Variants in NEMP2 observed in about 807,000 individuals in gnomAD.
NEMP2 encodes nuclear envelope integral membrane protein 2.
NEMP2 carries 53 observed loss-of-function variants against 54.2 expected under a neutral mutation model. The observed-to-expected ratio is 0.98, with a 90% CI of 0.78 to 1.23. The LOEUF is 1.23. Ranked by LOEUF, NEMP2 falls within the 50% of genes most tolerant of loss-of-function variation. NEMP2 has a pLI of 0.00. For synonymous variants in NEMP2, 197 were observed against 190.3 expected, an observed-to-expected ratio of 1.04 and a Z score of -0.29; for missense variants, 455 against 511.3, an observed-to-expected ratio of 0.89 and a Z score of 1.06.
At position 190,510,358 on chromosome 2, in the gene NEMP2, T is replaced by TA; in HGVS notation, c.1130+2dup. Reference sequence around the variant, plus strand: ...ATGGTCCGAGCAGCAGAGCGGGACTTACTTGCTAGGAGTGTGGAGTCTGGA... The same window carrying TA: ...ATGGTCCGAGCAGCAGAGCGGGACTTAACTTGCTAGGAGTGTGGAGTCTGGA... On this transcript the variant is annotated splice_region_variant and intron_variant, in intron 8 of 8. Coordinates refer to ENST00000409150, the MANE Select transcript of NEMP2 (RefSeq NM_001142645.2). This position sits in a 1 kb window ranked among gnomAD's most constrained non-coding sequence, Gnocchi z 5.7. 1 of 1,551,656 alleles carries TA rather than the reference T, an allele frequency of 6.4e-7. No homozygotes were observed. Among genetic ancestry groups the TA allele is most frequent in the Admixed American group, 2.0e-5 (1 of 50,998 alleles).
the NEMP2 span, among the ~76,000 whole-genome samples, chr2:190,632,120 G>A: frequency 6.6e-6 from 1 of 152,202 alleles, no homozygotes; most frequent in African/African-American, 2.4e-5. The surrounding 1 kb of genome is among the most constrained non-coding windows in gnomAD (Gnocchi z 4.8). Context: ...GATCCAAAGA[G>A]TGACAAGGGT....
At chr2:190,628,559 C>T in the NEMP2 span, 1 of 152,196 alleles carries the variant, frequency 6.6e-6, no homozygotes, top group Non-Finnish European at 1.5e-5. The surrounding 1 kb of genome is among the most constrained non-coding windows in gnomAD (Gnocchi z 4.1). Context: ...CTGACCTAAG[C>T]TGGGCCCATC....
chr2:190,628,981 C>A, the NEMP2 span, among the ~76,000 whole-genome samples: 1 of 152,182 alleles, frequency 6.6e-6, no homozygotes, highest in African/African-American at 2.4e-5. The surrounding 1 kb of genome is among the most constrained non-coding windows in gnomAD (Gnocchi z 4.1). Flanking sequence ...TCCAAAATCT[C>A]AAGAATCTCA....
the NEMP2 span, among the ~76,000 whole-genome samples, chr2:190,487,093 A>G: frequency 1.3e-5 from 2 of 152,200 alleles, no homozygotes; most frequent in African/African-American, 4.8e-5. The surrounding 1 kb of genome is among the most constrained non-coding windows in gnomAD (Gnocchi z 5.5). Flanking sequence ...CACTAATCCC[A>G]GCACTTTGAG....
the NEMP2 span, among the ~76,000 whole-genome samples, chr2:190,574,188 T>A: frequency 1.6e-4 from 24 of 152,350 alleles, no homozygotes; most frequent in Admixed American, 5.2e-4. Flanking sequence ...ACAAAACCTC[T>A]ATTTTCTTAA....
chr2:190,635,268 G>A, the NEMP2 span, among the ~76,000 whole-genome samples: 1 of 152,198 alleles, frequency 6.6e-6, no homozygotes, highest in Non-Finnish European at 1.5e-5. This position sits in a 1 kb window ranked among gnomAD's most constrained non-coding sequence, Gnocchi z 4.1. Flanking sequence ...CCAGAATGGA[G>A]TGCATTGGTG....
At chr2:190,538,802 G>T (rs1028200126), upstream of NEMP2, among the ~76,000 whole-genome samples, 2 of 151,986 alleles carry the variant, frequency 1.3e-5, no homozygotes, top group African/African-American at 2.4e-5. This position sits in a 1 kb window ranked among gnomAD's most constrained non-coding sequence, Gnocchi z 4.1. Context: ...TTTTAAAATT[G>T]GATTATTTGG....
At chr2:190,584,767 T>C in the NEMP2 span, among the ~76,000 whole-genome samples, 1 of 152,014 alleles carries the variant, frequency 6.6e-6, no homozygotes, top group African/African-American at 2.4e-5. The surrounding 1 kb of genome is among the most constrained non-coding windows in gnomAD (Gnocchi z 4.2). Context: ...TCTCAGCTAC[T>C]TGGGAGGCTG....
At chr2:190,464,879 T>A in the NEMP2 span, 1 of 979,026 alleles carries the variant, frequency 1.0e-6, no homozygotes. Context: ...GCAAAATTTA[T>A]GTTCACTGTG....
At chr2:190,563,817 C>T in the NEMP2 span, among the ~76,000 whole-genome samples, 1 of 152,212 alleles carries the variant, frequency 6.6e-6, no homozygotes, top group East Asian at 1.9e-4. This position sits in a 1 kb window ranked among gnomAD's most constrained non-coding sequence, Gnocchi z 4.3. Context: ...TATGCCAGAG[C>T]AATTCCAGAG....
At position 190,530,850 on chromosome 2, in the gene NEMP2, T is replaced by C. The variant is rs983759832; in HGVS notation, c.97+3709A>G. On this transcript the variant is annotated intron_variant, in intron 1 of 8. Coordinates refer to ENST00000409150, the MANE Select transcript of NEMP2 (RefSeq NM_001142645.2). The surrounding 1 kb of genome is among the most constrained non-coding windows in gnomAD (Gnocchi z 4.6). ...AGGATAGAACCTCCGGTAGCAGATGTAGGCAAACTCAAATGTATCAAAACA... is the reference window on the plus strand; with the variant it reads ...AGGATAGAACCTCCGGTAGCAGATGCAGGCAAACTCAAATGTATCAAAACA... Among the ~76,000 whole-genome samples the C allele has an allele frequency of 8.5e-5, 13 of 152,160 alleles. No individual in the cohort carries two copies. Among genetic ancestry groups the C allele is most frequent in the Non-Finnish European group, 1.6e-4 (11 of 68,022 alleles).
At chr2:190,600,216 ACT>A in the NEMP2 span, among the ~76,000 whole-genome samples, 5 of 151,986 alleles carry the variant, frequency 3.3e-5, no homozygotes, top group African/African-American at 1.2e-4. The surrounding 1 kb of genome is among the most constrained non-coding windows in gnomAD (Gnocchi z 4.9). Context: ...GTTGTTTCTA[ACT>A]CTCATTGCTT....
chr2:190,629,959 A>G, the NEMP2 span: 1 of 152,194 alleles, frequency 6.6e-6, no homozygotes, highest in Non-Finnish European at 1.5e-5. Flanking sequence ...ACAAAACACA[A>G]TCACAGCAAT....
chr2:190,513,412 G>T lies in NEMP2; in HGVS notation c.953+1041C>A, dbSNP rs376335514. The stretch of plus-strand genomic sequence containing the variant: ...AGGTTGCTTTGTAGAGTTTCCCACA[G>T]TCCTCCTGGTTACTGCTGCCTTACC... On this transcript the variant is annotated intron_variant, in intron 7 of 8. Coordinates refer to ENST00000409150, the MANE Select transcript of NEMP2 (RefSeq NM_001142645.2). The surrounding 1 kb of genome is among the most constrained non-coding windows in gnomAD (Gnocchi z 5.3). Among the ~76,000 whole-genome samples, 3 of 152,286 alleles carry T rather than the reference G, an allele frequency of 2.0e-5. No homozygotes were observed. The highest frequency in any genetic ancestry group is 7.2e-5 in the African/African-American group (3 of 41,558).
the NEMP2 span, chr2:190,437,149 G>T: frequency 6.2e-7 from 1 of 1,614,220 alleles, no homozygotes; most frequent in Non-Finnish European, 8.5e-7. The surrounding 1 kb of genome is among the most constrained non-coding windows in gnomAD (Gnocchi z 5.9). Flanking sequence ...CGTCTTCATC[G>T]TCTTCGGCGT....
At chr2:190,465,387 T>C in the NEMP2 span, among the ~76,000 whole-genome samples, 5 of 152,272 alleles carry the variant, frequency 3.3e-5, no homozygotes, top group South Asian at 2.1e-4. This position sits in a 1 kb window ranked among gnomAD's most constrained non-coding sequence, Gnocchi z 4.6. Context: ...GTTTTATCAT[T>C]ATAGGTGTTC....
chr2:190,647,562 T>G, the NEMP2 span, among the ~76,000 whole-genome samples: 5 of 152,208 alleles, frequency 3.3e-5, no homozygotes, highest in Non-Finnish European at 7.3e-5. Flanking sequence ...GCAGTAGTTT[T>G]ATATTAATGA....
chr2:190,499,019 G>A, the NEMP2 span, among the ~76,000 whole-genome samples: 1 of 152,020 alleles, frequency 6.6e-6, no homozygotes, highest in African/African-American at 2.4e-5. The surrounding 1 kb of genome is among the most constrained non-coding windows in gnomAD (Gnocchi z 6.0). Context: ...ATGGTGGCGG[G>A]TGCCTGTAAT....
chr2:190,544,219 A>G, the NEMP2 span, among the ~76,000 whole-genome samples: 1 of 152,214 alleles, frequency 6.6e-6, no homozygotes. Flanking sequence ...GATTTGTTGT[A>G]TCACGTTTTT....
Sources: gnomAD v4.1 joint callset for allele counts (sites outside exome capture counted in the v4.1 genomes callset) on GRCh38, gnomAD v4.1.1 for gene constraint, Gnocchi (gnomAD v3.1) non-coding constraint, MANE v1.5 for transcripts, NCBI Gene and HGNC (gene_info 2026-07-23, HGNC 2026-07-21) for gene names.